USP3: variants seen among roughly 807,000 people sequenced by gnomAD.
USP3 encodes ubiquitin specific peptidase 3, also known as ubiquitin carboxyl-terminal hydrolase 3.
Under a neutral mutation model 72.3 loss-of-function variants are expected in USP3, and 20 were observed. The observed-to-expected ratio is 0.28, with a 90% CI of 0.19 to 0.40. USP3 has a LOEUF of 0.40. Ranked by LOEUF, USP3 falls within the 10% of genes least tolerant of loss-of-function variation. The probability of loss-of-function intolerance (pLI) is 1.00; values close to 1 mark genes in which losing one functional copy is unlikely to be tolerated. For missense variants in USP3, 479 were observed against 633.9 expected (o/e 0.76, Z 2.62); for synonymous variants, 222 against 225.3 (o/e 0.99, Z 0.13).
chr15:63,538,991 G>A (rs1284215121), intron 3 of USP3, among the ~76,000 whole-genome samples: 1 of 152,112 alleles, frequency 6.6e-6, no homozygotes, highest in Admixed American at 6.5e-5. Context: ...ATCTTCCCAA[G>A]ATTTTTACAC....
chr15:63,513,005 T>C (rs1264272643), intron 1 of USP3, among the ~76,000 whole-genome samples: 1 of 152,258 alleles, frequency 6.6e-6, no homozygotes, highest in Non-Finnish European at 1.5e-5. Context: ...TAAGCCAGGT[T>C]ATATCAAAGA....
intron 2 of USP3, among the ~76,000 whole-genome samples, chr15:63,536,312 T>C (rs1266505706): frequency 6.6e-6 from 1 of 152,118 alleles, no homozygotes; most frequent in Non-Finnish European, 1.5e-5. Flanking sequence ...AGATGGAACA[T>C]TGTCCTGTTT....
rs1272719469 is a variant in USP3 at position 63,593,046 on chromosome 15, T to C, written c.*2220T>C. 2 of 152,238 alleles carry C rather than the reference T, an allele frequency of 1.3e-5. No individual in the cohort carries two copies. Among genetic ancestry groups the C allele is most frequent in the African/African-American group, 4.8e-5 (2 of 41,454 alleles). The allele number at this position is 152,238 out of a possible 1,614,324, so 9.4% of individuals were successfully genotyped here. Reference sequence around the variant, plus strand: ...GTCACACTAGCCACATTTCAAGTGCTCAGCACCCACATACGGCGTAGGACA... The same window carrying C: ...GTCACACTAGCCACATTTCAAGTGCCCAGCACCCACATACGGCGTAGGACA... On this transcript the variant is annotated 3_prime_UTR_variant, in exon 15 of 15. Transcript: ENST00000380324.
chr15:63,509,647 T>G (rs559223368), intron 1 of USP3, among the ~76,000 whole-genome samples: 3 of 152,244 alleles, frequency 2.0e-5, no homozygotes, highest in South Asian at 4.1e-4. Context: ...AATTTAAACT[T>G]TTTTGGTAAT....
chr15:63,591,677 A>G lies in USP3; in HGVS notation c.*851A>G, dbSNP rs1000026819. On this transcript the variant is annotated 3_prime_UTR_variant, in exon 15 of 15. Coordinates refer to ENST00000380324, the MANE Select transcript of USP3 (RefSeq NM_006537.4). Reference sequence around the variant, plus strand: ...CTTAGTTGTACCACTGGAAGTCACGACATGTCCATTATAGACTTACTTACT... The same window carrying G: ...CTTAGTTGTACCACTGGAAGTCACGGCATGTCCATTATAGACTTACTTACT... 1 of 152,198 alleles carries G rather than the reference A, an allele frequency of 6.6e-6. No individual in the cohort carries two copies. Among genetic ancestry groups the G allele is most frequent in the Non-Finnish European group, 1.5e-5 (1 of 68,062 alleles). 9.4% of individuals were successfully genotyped at this position (152,198 alleles called of 1,614,324 possible). A position where few individuals can be genotyped will look rare whatever the true frequency, so the allele number is the denominator to read the frequency against.
intron 7 of USP3, among the ~76,000 whole-genome samples, chr15:63,560,372 C>T (rs1432446362): frequency 3.3e-5 from 5 of 150,350 alleles, no homozygotes; most frequent in Admixed American, 1.3e-4. Flanking sequence ...GCCGAGATCG[C>T]GCCACTGCCC....
rs2067113701 is a variant in USP3 at position 63,588,179 on chromosome 15, A to C, written c.1097-126A>C. 4 of 650,670 alleles carry C rather than the reference A, an allele frequency of 6.1e-6. No individual in the cohort carries two copies. The highest frequency in any genetic ancestry group is 5.0e-5 in the South Asian group (2 of 39,846). The allele number at this position is 650,670 out of a possible 1,614,324, so 40.3% of individuals were successfully genotyped here. ...TTTTGTCTCCAGTTTGCAATTGAGA[A>C]AGGTTAACTTTTCTAAGGTCGTATA... On this transcript the variant is annotated intron_variant, in intron 11 of 14. Coordinates refer to ENST00000380324, the MANE Select transcript of USP3 (RefSeq NM_006537.4). The surrounding 1 kb of genome is among the most constrained non-coding windows in gnomAD (Gnocchi z 4.6).
chr15:63,576,870 T>C (rs935885716), intron 11 of USP3, among the ~76,000 whole-genome samples: 2 of 152,230 alleles, frequency 1.3e-5, no homozygotes, highest in African/African-American at 4.8e-5. Flanking sequence ...CTTCTCTTCT[T>C]GGACATCCAG....
chr15:63,518,561 T>C (rs1449190252), intron 1 of USP3, among the ~76,000 whole-genome samples: 1 of 152,186 alleles, frequency 6.6e-6, no homozygotes, highest in Non-Finnish European at 1.5e-5. Context: ...AAAAAGACTT[T>C]TGATTTTGAT....
At chr15:63,518,891 G>T (rs563320422) in intron 1 of USP3, among the ~76,000 whole-genome samples, 23 of 152,036 alleles carry the variant, frequency 1.5e-4, no homozygotes, top group Non-Finnish European at 3.4e-4. Context: ...TCAGCCTCCT[G>T]AGTAGCTGGG....
chr15:63,551,214 C>G (rs979185675), intron 3 of USP3: 8 of 152,024 alleles, frequency 5.3e-5, no homozygotes, highest in African/African-American at 1.9e-4. Flanking sequence ...TCTTAAAACT[C>G]TTTTTTTACC....
At position 63,567,216 on chromosome 15, in the gene USP3, C is replaced by T. The variant is rs567231540; in HGVS notation, c.762-3217C>T. On this transcript the variant is annotated intron_variant, in intron 8 of 14. Transcript: ENST00000380324. The stretch of plus-strand genomic sequence containing the variant: ...TATTTGATTTTTTTCGAGACAGTCT[C>T]GCTCTGTTGCCCAGGCTGGAGTGCA... 9.7e-4 allele frequency among the ~76,000 whole-genome samples: 147 copies of T among 152,292 alleles called. 1 individual carries two copies. The highest frequency in any genetic ancestry group is 2.5e-3 in the African/African-American group (105 of 41,558).
In USP3 at chr15:63,590,666, G is replaced by C. The variant is rs771127573; in HGVS notation, c.1403G>C (p.Gly468Ala). The change falls in exon 15 of 15, where the codon GGT becomes GCT. Residue 468 changes from glycine to alanine, a missense_variant. Transcript: ENST00000380324. ...TTGGTCTTTTGCCTTTACAGGGTTGGTTCTGGACATTACACAGCATACGCA... is the reference window on the plus strand; with the variant it reads ...TTGGTCTTTTGCCTTTACAGGGTTGCTTCTGGACATTACACAGCATACGCA... ...AVVVHHGSGV[G>A]SGHYTAYATH... 6 of 1,600,222 alleles carry C rather than the reference G, an allele frequency of 3.7e-6. No individual in the cohort carries two copies. The highest frequency in any genetic ancestry group is 5.1e-6 in the Non-Finnish European group (6 of 1,173,494).
At chr15:63,513,282 C>T (rs529610663) in intron 1 of USP3, among the ~76,000 whole-genome samples, 7 of 152,298 alleles carry the variant, frequency 4.6e-5, no homozygotes, top group African/African-American at 7.2e-5. Flanking sequence ...GTCATATTCC[C>T]GCAGGTTTAA....
At chr15:63,526,201 G>A (rs545196644) in intron 1 of USP3, among the ~76,000 whole-genome samples, 24 of 152,166 alleles carry the variant, frequency 1.6e-4, no homozygotes, top group Middle Eastern at 3.4e-3. Context: ...TTATATGCCG[G>A]TATGTAGTAC....
chr15:63,574,460 T>G lies in USP3; in HGVS notation c.1096+57T>G. On this transcript the variant is annotated intron_variant, in intron 11 of 14. Coordinates refer to ENST00000380324, the MANE Select transcript of USP3 (RefSeq NM_006537.4). This position sits in a 1 kb window ranked among gnomAD's most constrained non-coding sequence, Gnocchi z 4.6. ...TTCTTTAAATAATTGAATAGATTGATAAGCTTCATCTATATGTGGTATCTT... is the reference window on the plus strand; with the variant it reads ...TTCTTTAAATAATTGAATAGATTGAGAAGCTTCATCTATATGTGGTATCTT... The G allele has an allele frequency of 2.3e-6, 3 of 1,320,418 alleles. No homozygotes were observed. Among genetic ancestry groups the G allele is most frequent in the Non-Finnish European group, 1.1e-6 (1 of 950,640 alleles). The allele number at this position is 1,320,418 out of a possible 1,614,324, so 81.8% of individuals were successfully genotyped here.
At position 63,591,006 on chromosome 15, in the gene USP3, C is replaced by A; in HGVS notation, c.*180C>A. 1 of 651,714 alleles carries A rather than the reference C, an allele frequency of 1.5e-6. No individual in the cohort carries two copies. Among genetic ancestry groups the A allele is most frequent in the Non-Finnish European group, 2.3e-6 (1 of 433,802 alleles). 40.4% of individuals were successfully genotyped at this position (651,714 alleles called of 1,614,324 possible). ...CCAACTAATTTTGTTGTTGTTCTAC[C>A]AGAAAACCTCAGCAGATGTTTTGAT... On this transcript the variant is annotated 3_prime_UTR_variant, in exon 15 of 15. Coordinates refer to ENST00000380324, the MANE Select transcript of USP3 (RefSeq NM_006537.4).
chr15:63,519,179 A>G (rs927082302), intron 1 of USP3, among the ~76,000 whole-genome samples: 3 of 152,054 alleles, frequency 2.0e-5, no homozygotes, highest in African/African-American at 4.8e-5. Context: ...TGTCCCAACA[A>G]TGGCCTTCAT....
intron 1 of USP3, among the ~76,000 whole-genome samples, chr15:63,520,563 T>C (rs2065907179): frequency 7.2e-6 from 1 of 139,108 alleles, no homozygotes; most frequent in Non-Finnish European, 1.6e-5. Context: ...GATTTTTTTT[T>C]TTTTTTTTTT....
Sources: allele counts gnomAD v4.1 joint callset (sites outside exome capture counted in the v4.1 genomes callset), GRCh38; gene constraint gnomAD v4.1.1; non-coding constraint Gnocchi (gnomAD v3.1); transcripts MANE v1.5; gene names NCBI Gene and HGNC (gene_info 2026-07-23, HGNC 2026-07-21).